RBCK1: variants seen among roughly 807,000 people sequenced by gnomAD.
The protein encoded by RBCK1 is RANBP2-type and C3HC4-type zinc finger containing 1.
RBCK1 carries 44 observed loss-of-function variants against 71.1 expected under a neutral mutation model. The observed-to-expected ratio is 0.62, with a 90% confidence interval of 0.49 to 0.80. The LOEUF is 0.80. Ranked by LOEUF, RBCK1 falls within the 30% of genes least tolerant of loss-of-function variation. RBCK1 has a pLI of 0.00. For synonymous variants in RBCK1, 306 were observed against 279.7 expected, an observed-to-expected ratio of 1.09 and a Z score of -0.94; for missense variants, 569 against 685.0, an observed-to-expected ratio of 0.83 and a Z score of 1.89.
chr20:429,917 CTTG>C (rs1475514827), intron 11 of RBCK1, among the ~76,000 whole-genome samples: 1 of 152,168 alleles, frequency 6.6e-6, no homozygotes, highest in African/African-American at 2.4e-5. Flanking sequence ...TTATCTCAGG[CTTG>C]TTGTCAGAAT....
intron 2 of RBCK1, among the ~76,000 whole-genome samples, chr20:414,131 C>T (rs1036736887): frequency 1.3e-5 from 2 of 151,566 alleles, no homozygotes; most frequent in African/African-American, 4.8e-5. Context: ...CTCCAATGAG[C>T]AGGTATAAAC....
In RBCK1 at chr20:428,923, C is replaced by CCCAGGGCCAGCACCTGCCCCACT; in HGVS notation, c.1309-22_1309dup. 6.3e-7 allele frequency: 1 copy of CCCAGGGCCAGCACCTGCCCCACT among 1,588,100 alleles called. No individual in the cohort carries two copies. The highest frequency in any genetic ancestry group is 1.1e-5 in the South Asian group (1 of 88,792). On this transcript the variant is annotated intron_variant, in intron 10 of 11. Coordinates refer to ENST00000356286, the MANE Select transcript of RBCK1 (RefSeq NM_031229.4). This position sits in a 1 kb window ranked among gnomAD's most constrained non-coding sequence, Gnocchi z 5.7. ...GGCTGGGTGACTGCCCCAGCCCCGC[C>CCCAGGGCCAGCACCTGCCCCACT]CCAGGGCCAGCACCTGCCCCACTCC...
intron 8 of RBCK1, among the ~76,000 whole-genome samples, chr20:424,721 C>T (rs1481779824): frequency 6.6e-6 from 1 of 152,156 alleles, no homozygotes; most frequent in Non-Finnish European, 1.5e-5. Context: ...CTGTGGAGTC[C>T]ACCCCAGCCA....
intron 2 of RBCK1, among the ~76,000 whole-genome samples, chr20:416,246 C>T (rs1030091592): frequency 9.9e-5 from 15 of 151,494 alleles, no homozygotes; most frequent in African/African-American, 3.6e-4. Context: ...CGGTCCGCCT[C>T]CCGGGTTCAC....
rs1053406799 is a variant in RBCK1 at position 429,152 on chromosome 20, G to A, written c.1452+58G>A. On this transcript the variant is annotated intron_variant, in intron 11 of 11. Coordinates refer to ENST00000356286, the MANE Select transcript of RBCK1 (RefSeq NM_031229.4). Reference sequence around the variant, plus strand: ...TGCCCTTGTGGGCTTTGCCTTAGAGGAGGGCTGGGAAAACTACAGCCCATG... The same window carrying A: ...TGCCCTTGTGGGCTTTGCCTTAGAGAAGGGCTGGGAAAACTACAGCCCATG... 4.5e-6 allele frequency: 7 copies of A among 1,551,888 alleles called. No individual in the cohort carries two copies. In the African/African-American group the frequency reaches 8.2e-5, roughly 18 times the overall value.
intron 7 of RBCK1, among the ~76,000 whole-genome samples, 177 bp downstream of exon 7, chr20:421,208 A>C (rs2016415587): frequency 6.6e-6 from 1 of 152,180 alleles, no homozygotes; most frequent in Non-Finnish European, 1.5e-5. Flanking sequence ...AGAGAGGCCC[A>C]GCGCCTTACC....
chr20:414,924 T>C (rs545017655), intron 2 of RBCK1, among the ~76,000 whole-genome samples: 1 of 152,352 alleles, frequency 6.6e-6, no homozygotes, highest in African/African-American at 2.4e-5. Context: ...AGTCTTTGCA[T>C]GTTTAAAAAT....
In RBCK1 at chr20:430,123, T is replaced by C. The variant is rs1462655764; in HGVS notation, c.1453-227T>C. 1.3e-5 allele frequency among the ~76,000 whole-genome samples: 2 copies of C among 152,016 alleles called. No homozygotes were observed. The highest frequency in any genetic ancestry group is 2.9e-5 in the Non-Finnish European group (2 of 68,006). ...GCTGACATGTCTAGAATATGCAGAGTGGTCAGATCCTCTCCCTGGCCTGTT... is the reference window on the plus strand; with the variant it reads ...GCTGACATGTCTAGAATATGCAGAGCGGTCAGATCCTCTCCCTGGCCTGTT... On this transcript the variant is annotated intron_variant, in intron 11 of 11. Transcript: ENST00000356286. The surrounding 1 kb of genome is among the most constrained non-coding windows in gnomAD (Gnocchi z 5.6).
In RBCK1 at chr20:409,886, G is replaced by C. The variant is rs376438608; in HGVS notation, c.28G>C (p.Glu10Gln). 4.6e-5 allele frequency: 75 copies of C among 1,613,710 alleles called. No individual in the cohort carries two copies. The highest frequency in any genetic ancestry group is 4.2e-5 in the Non-Finnish European group (49 of 1,179,876). Residue 10 changes from glutamate (E) to glutamine (Q), a missense_variant, in exon 2 of 12, where the codon GAA becomes CAA. Around this residue, in one of 2 missense-constraint regions of RBCK1, gnomAD observed 358 missense variants for 375.6 expected, o/e 0.95. Coordinates refer to ENST00000356286, the MANE Select transcript of RBCK1 (RefSeq NM_031229.4). ...CCTGCTGTACTGGCTTTCAGCAGAGGAAATGGCCCTGAGCCTCACCCGAGC... is the reference window on the plus strand; with the variant it reads ...CCTGCTGTACTGGCTTTCAGCAGAGCAAATGGCCCTGAGCCTCACCCGAGC... MDEKTKKAE[E>Q]MALSLTRAVA...
At chr20:427,205 C>A in intron 8 of RBCK1, 108 bp from the exon 9 acceptor site, 2 of 1,023,980 alleles carry the variant, frequency 2.0e-6, no homozygotes, top group Non-Finnish European at 2.8e-6. Context: ...GAGCCTGGGG[C>A]TGGGTTGGAG....
At position 428,999 on chromosome 20, in the gene RBCK1, G is replaced by C; in HGVS notation, c.1357G>C (p.Val453Leu). The C allele has an allele frequency of 6.2e-7, 1 of 1,612,088 alleles. No homozygotes were observed. Among genetic ancestry groups the C allele is most frequent in the Non-Finnish European group, 8.5e-7 (1 of 1,179,918 alleles). ...EAMRCPQCQI[V>L]VQKKDGCDWI... ...CATGCGCTGCCCCCAGTGCCAGATC[G>C]TGGTACAGAAGAAGGACGGCTGCGA... is the stretch of plus-strand genomic sequence containing the variant. The change falls in exon 11 of 12, where the codon GTG becomes CTG. Residue 453 changes from valine (V) to leucine (L), a missense_variant. Coordinates refer to ENST00000356286, the MANE Select transcript of RBCK1 (RefSeq NM_031229.4). This position sits in a 1 kb window ranked among gnomAD's most constrained non-coding sequence, Gnocchi z 5.7.
Position 430,706 on chromosome 20 carries a change from A to G in RBCK1, c.*276A>G, listed in dbSNP as rs1052784275. 8.1e-4 allele frequency: 402 copies of G among 495,992 alleles called. 1 individual carries two copies. Among genetic ancestry groups the G allele is most frequent in the Middle Eastern group, 5.4e-4 (1 of 1,848 alleles). 30.7% of individuals were successfully genotyped at this position (495,992 alleles called of 1,614,324 possible). A position where few individuals can be genotyped will look rare whatever the true frequency, so the allele number is the denominator to read the frequency against. On this transcript the variant is annotated 3_prime_UTR_variant, in exon 12 of 12. Transcript: ENST00000356286. This position sits in a 1 kb window ranked among gnomAD's most constrained non-coding sequence, Gnocchi z 5.6. ...CCTTGCTGGGTGGAGCCTCTGTGTG[A>G]CTCCATACTCCTCCCACCACAACAC...
intron 1 of RBCK1, 82 bp downstream of exon 1, chr20:408,861 G>T: frequency 6.6e-7 from 1 of 1,516,756 alleles, no homozygotes; most frequent in Non-Finnish European, 8.9e-7. Context: ...TGGCCAGAAG[G>T]GCCTTGGAGA....
At chr20:419,228 C>G in intron 4 of RBCK1, 119 bp from the exon 5 acceptor site, 3 of 1,392,132 alleles carry the variant, frequency 2.2e-6, no homozygotes, top group Admixed American at 4.4e-5. Flanking sequence ...GGAGGTACCC[C>G]CAGGGAGGAG....
rs1384039219 is a variant in RBCK1 at position 430,655 on chromosome 20, C to T, written c.*225C>T. On this transcript the variant is annotated 3_prime_UTR_variant, in exon 12 of 12. Transcript: ENST00000356286. This position sits in a 1 kb window ranked among gnomAD's most constrained non-coding sequence, Gnocchi z 5.6. ...GGCTCCCACCTCTGCCTGACCCCAGCCTTAAACATAGCCCCTGGCCAGAGG... is the reference window on the plus strand; with the variant it reads ...GGCTCCCACCTCTGCCTGACCCCAGTCTTAAACATAGCCCCTGGCCAGAGG... The T allele has an allele frequency of 1.7e-6, 1 of 585,176 alleles. No individual in the cohort carries two copies. Among genetic ancestry groups the T allele is most frequent in the Non-Finnish European group, 3.1e-6 (1 of 327,550 alleles). 36.2% of individuals were successfully genotyped at this position (585,176 alleles called of 1,614,324 possible). A position where few individuals can be genotyped will look rare whatever the true frequency, so the allele number is the denominator to read the frequency against.
At position 428,643 on chromosome 20, in the gene RBCK1, G is replaced by A; in HGVS notation, c.1308+54G>A. 1 of 1,511,866 alleles carries A rather than the reference G, an allele frequency of 6.6e-7. No individual in the cohort carries two copies. Among genetic ancestry groups the A allele is most frequent in the Admixed American group, 2.1e-5 (1 of 46,512 alleles). 93.7% of individuals were successfully genotyped at this position (1,511,866 alleles called of 1,614,324 possible). A position where few individuals can be genotyped will look rare whatever the true frequency, so the allele number is the denominator to read the frequency against. ...GGATTTTAAGTTCTGGGATCCAGGTGGGGGCTGGGGGCTTCCCAGTAAGGG... is the reference window on the plus strand; with the variant it reads ...GGATTTTAAGTTCTGGGATCCAGGTAGGGGCTGGGGGCTTCCCAGTAAGGG... On this transcript the variant is annotated intron_variant, in intron 10 of 11. Coordinates refer to ENST00000356286, the MANE Select transcript of RBCK1 (RefSeq NM_031229.4). This position sits in a 1 kb window ranked among gnomAD's most constrained non-coding sequence, Gnocchi z 5.7.
chr20:408,664 T>G lies in RBCK1; in HGVS notation c.-94T>G. 1 of 1,535,780 alleles carries G rather than the reference T, an allele frequency of 6.5e-7. No individual in the cohort carries two copies. The highest frequency in any genetic ancestry group is 8.9e-7 in the Non-Finnish European group (1 of 1,129,088). ...CCGGAGGCCACACGGCCTGGCTGAG[T>G]TGCTCCTGGTCTCCCGCCTCTCCCA... On this transcript the variant is annotated 5_prime_UTR_variant, in exon 1 of 12. Transcript: ENST00000356286.
intron 8 of RBCK1, among the ~76,000 whole-genome samples, chr20:426,137 C>A (rs537892511): frequency 6.6e-6 from 1 of 152,170 alleles, no homozygotes; most frequent in East Asian, 1.9e-4. Context: ...TACTTTGATA[C>A]AGGCATGCAA....
At position 419,369 on chromosome 20, in the gene RBCK1, G is replaced by A. The variant is rs544076645; in HGVS notation, c.483G>A (p.Thr161=). Residue 161 remains threonine (T), a synonymous_variant, in exon 5 of 12, where the codon ACG becomes ACA. Transcript: ENST00000356286. ...CAGATCTGGGCTTCAAGGACCTCAC[G>A]CTGCAGCCGCGGGGCCCTCTGGAGC... is the stretch of plus-strand genomic sequence containing the variant. ...MLEDLGFKDL[T]LQPRGPLEPG... 5.6e-6 allele frequency: 9 copies of A among 1,612,196 alleles called. No homozygotes were observed. Among genetic ancestry groups the A allele is most frequent in the Middle Eastern group, 1.9e-4 (1 of 5,374 alleles).
Sources: allele counts gnomAD v4.1 joint callset (sites outside exome capture counted in the v4.1 genomes callset), GRCh38; gene constraint gnomAD v4.1.1; regional missense constraint gnomAD v4.1.1; non-coding constraint Gnocchi (gnomAD v3.1); transcripts MANE v1.5; gene names NCBI Gene and HGNC (gene_info 2026-07-23, HGNC 2026-07-21).